The following SHANK2 variants were observed in gnomAD, a reference collection of about 807,000 sequenced individuals.
The protein encoded by SHANK2 is SH3 and multiple ankyrin repeat domains 2, also known as SH3 and multiple ankyrin repeat domains protein 2.
SHANK2 carries 43 observed loss-of-function variants against 133.7 expected under a neutral mutation model. The ratio of observed to expected loss-of-function variants is 0.32; its 90% CI spans 0.25 to 0.41. The LOEUF is 0.41. Among genes scored for constraint, SHANK2 ranks in the 10% least tolerant of loss-of-function variants. SHANK2 has a pLI of 1.00. For missense variants in SHANK2, 1,994 were observed against 2,235.8 expected (o/e 0.89, Z 2.18); for synonymous variants, 1,017 against 952.8 (o/e 1.07, Z -1.24).
intron 13 of SHANK2, 25 bp downstream of exon 13, chr11:70,806,977 C>G (rs782756950): frequency 9.8e-6 from 7 of 713,758 alleles, no homozygotes; most frequent in Non-Finnish European, 1.6e-5. Context: ...ACTCCAGGAG[C>G]GGAGGACAAC....
chr11:70,766,740 C>T (rs1319487563), intron 14 of SHANK2, among the ~76,000 whole-genome samples: 1 of 152,124 alleles, frequency 6.6e-6, no homozygotes, highest in African/African-American at 2.4e-5. Context: ...ATGTACCTGT[C>T]GATTTTCCTC....
chr11:70,888,036 G>T (rs1399187489), intron 11 of SHANK2, among the ~76,000 whole-genome samples: 2 of 152,150 alleles, frequency 1.3e-5, no homozygotes, highest in South Asian at 4.1e-4. Flanking sequence ...AGACCATAAT[G>T]CAGAAACGCC....
intron 17 of SHANK2, among the ~76,000 whole-genome samples, chr11:70,616,805 C>G (rs1565182636): frequency 6.6e-6 from 1 of 152,184 alleles, no homozygotes; most frequent in Non-Finnish European, 1.5e-5. Flanking sequence ...TGGCTCCTGA[C>G]CAGTCCCCAG....
rs181104304 is a variant in SHANK2 at position 71,145,977 on chromosome 11, C to T, written c.207+1143G>A. Among the ~76,000 whole-genome samples the T allele has an allele frequency of 1.4e-3, 209 of 152,332 alleles. 1 individual carries two copies. Among genetic ancestry groups the T allele is most frequent in the Middle Eastern group, 0.014 (4 of 294 alleles). ...TAGAAAGCACAGATGGAGACTGTGA[C>T]GAGCCTCACCCAGATGCCCCTCTGA... is the stretch of plus-strand genomic sequence containing the variant. On this transcript the variant is annotated intron_variant, in intron 3 of 25. Transcript: ENST00000601538.
intron 17 of SHANK2, chr11:70,646,036 C>T (rs1383779402): frequency 6.6e-6 from 1 of 152,254 alleles, no homozygotes; most frequent in Non-Finnish European, 1.5e-5. Context: ...ACAGTAAGTG[C>T]TCAAGAAGTG....
chr11:70,877,154 T>C (rs1555071499), intron 11 of SHANK2, among the ~76,000 whole-genome samples: 2 of 152,198 alleles, frequency 1.3e-5, no homozygotes, highest in Non-Finnish European at 2.9e-5. Context: ...GGAGCAACAA[T>C]GGTGTTCTGA....
At chr11:70,845,534 G>A (rs540940234) in intron 11 of SHANK2, among the ~76,000 whole-genome samples, 2 of 152,178 alleles carry the variant, frequency 1.3e-5, no homozygotes, top group East Asian at 1.9e-4. Context: ...CTTAGGTGCC[G>A]AGGATAGAGA....
chr11:70,551,831 C>T (rs1413180447), intron 17 of SHANK2, among the ~76,000 whole-genome samples: 1 of 152,206 alleles, frequency 6.6e-6, no homozygotes, highest in African/African-American at 2.4e-5. Flanking sequence ...CAGGCCTGGA[C>T]TCTGGGTTCT....
At chr11:70,702,068 CCAA>C (rs1945535368) in intron 14 of SHANK2, among the ~76,000 whole-genome samples, 1 of 151,342 alleles carries the variant, frequency 6.6e-6, no homozygotes, top group African/African-American at 2.4e-5. Flanking sequence ...ACCATCATTA[CCAA>C]CATCATCACC....
At chr11:70,851,563 T>TG (rs1435472147) in intron 11 of SHANK2, among the ~76,000 whole-genome samples, 2 of 152,210 alleles carry the variant, frequency 1.3e-5, no homozygotes, top group African/African-American at 4.8e-5. Context: ...TGAGGGCAAT[T>TG]GAGCACGGAG....
At chr11:70,822,705 G>A (rs1265135698) in intron 11 of SHANK2, among the ~76,000 whole-genome samples, 3 of 135,236 alleles carry the variant, frequency 2.2e-5, no homozygotes, top group Non-Finnish European at 4.7e-5. Context: ...CGCTGGCAGA[G>A]GTCATGGGGG....
Position 70,503,581 on chromosome 11 carries a change from G to A in SHANK2, c.2062-650C>T, listed in dbSNP as rs990871778. On this transcript the variant is annotated intron_variant, in intron 17 of 25. Coordinates refer to ENST00000601538, the MANE Select transcript of SHANK2 (RefSeq NM_012309.5). ...GCTGCCCCAGTGCTCCTGGGACGGT[G>A]AGTGGCAGGCTGGGGACCCCCAAGG... Among the ~76,000 whole-genome samples, 4 of 152,334 alleles carry A rather than the reference G, an allele frequency of 2.6e-5. 1 individual carries two copies. The highest frequency in any genetic ancestry group is 9.6e-5 in the African/African-American group (4 of 41,578).
At chr11:70,858,017 A>T (rs539515139) in intron 11 of SHANK2, among the ~76,000 whole-genome samples, 1 of 152,338 alleles carries the variant, frequency 6.6e-6, no homozygotes, top group Non-Finnish European at 1.5e-5. Context: ...AAGTTGCAAG[A>T]CACCATTTGG....
intron 12 of SHANK2, among the ~76,000 whole-genome samples, chr11:70,810,965 G>A (rs1223471094): frequency 6.6e-6 from 1 of 152,172 alleles, no homozygotes; most frequent in Non-Finnish European, 1.5e-5. Flanking sequence ...GCCCCATCAG[G>A]ACTGAAGGTT....
chr11:70,542,632 C>G (rs1429733391), intron 17 of SHANK2, among the ~76,000 whole-genome samples: 1 of 152,182 alleles, frequency 6.6e-6, no homozygotes, highest in Non-Finnish European at 1.5e-5. Context: ...CACCTCCACT[C>G]TAACCATCAG....
At chr11:70,546,319 T>C (rs1203852151) in intron 17 of SHANK2, among the ~76,000 whole-genome samples, 1 of 152,042 alleles carries the variant, frequency 6.6e-6, no homozygotes, top group African/African-American at 2.4e-5. Context: ...CAGCCCCTCT[T>C]CCTGAGCCTT....
intron 17 of SHANK2, among the ~76,000 whole-genome samples, chr11:70,586,413 G>A (rs1554986748): frequency 6.6e-6 from 1 of 152,114 alleles, no homozygotes; most frequent in African/African-American, 2.4e-5. Flanking sequence ...GAGGTTCTGG[G>A]GCCGGGGTCA....
chr11:70,613,913 C>T (rs2060701695), intron 17 of SHANK2, among the ~76,000 whole-genome samples: 1 of 152,024 alleles, frequency 6.6e-6, no homozygotes, highest in African/African-American at 2.4e-5. Flanking sequence ...TACAGGCACG[C>T]ACCACCATGC....
chr11:71,187,939 C>T (rs1953708312), intron 2 of SHANK2, among the ~76,000 whole-genome samples: 1 of 152,148 alleles, frequency 6.6e-6, no homozygotes, highest in Admixed American at 6.5e-5. Context: ...CCTGCACTGT[C>T]CTTGGAAATG....
Sources: gnomAD v4.1 joint callset for allele counts (sites outside exome capture counted in the v4.1 genomes callset) on GRCh38, gnomAD v4.1.1 for gene constraint, MANE v1.5 for transcripts, NCBI Gene and HGNC (gene_info 2026-07-23, HGNC 2026-07-21) for gene names.